Variants in NME8 observed in about 807,000 individuals in gnomAD.
The protein encoded by NME8 is NME/NM23 family member 8.
In NME8, 72 loss-of-function variants were observed where a neutral mutation model predicts 82.3. The observed-to-expected ratio is 0.87, with a 90% CI of 0.72 to 1.06. The LOEUF is 1.06. Among genes scored for constraint, NME8 ranks in the 50% least tolerant of loss-of-function variants. NME8 has a pLI of 0.00. For synonymous variants in NME8, 267 were observed against 228.5 expected (o/e 1.17, Z -1.52); for missense variants, 712 against 685.4 (o/e 1.04, Z -0.43).
rs1261123421 is a variant in NME8, at chr7:37,896,959, A to G, written c.1634A>G (p.Lys545Arg). ...LMGPTDPEEA[K>R]LLSPDSIRAQ... ...GGCCCAACAGACCCAGAAGAAGCAA[A>G]ATTACTTTCCCCTGACTCCATCCGA... Residue 545 changes from lysine (K) to arginine (R), a missense_variant, in exon 17 of 18, where the codon AAA becomes AGA. Coordinates refer to ENST00000199447, the MANE Select transcript of NME8 (RefSeq NM_016616.5). The G allele has an allele frequency of 3.7e-6, 6 of 1,613,760 alleles. No homozygotes were observed. The African/African-American group carries it at 5.3e-5, about 14-fold the overall frequency.
rs1784892733 is a variant in NME8 at position 37,878,566 on chromosome 7, C to T, written c.994+1559C>T. 2.0e-5 allele frequency among the ~76,000 whole-genome samples: 3 copies of T among 152,136 alleles called. No homozygotes were observed. In the South Asian group the frequency reaches 6.2e-4, roughly 32 times the overall value. ...GAATTTGTGAGTAAAATGATTTAGA[C>T]ATGGGGTTCTCTTTTTTGGAAGATT... On this transcript the variant is annotated intron_variant, in intron 12 of 17. Transcript: ENST00000199447.
At chr7:37,855,366 G>C (rs905816858) in intron 5 of NME8, among the ~76,000 whole-genome samples, 4 of 152,140 alleles carry the variant, frequency 2.6e-5, no homozygotes, top group African/African-American at 9.7e-5. Context: ...AGGATTGGGG[G>C]TTAGCAGTTT....
chr7:37,856,897 T>G (rs1784519991), intron 5 of NME8, among the ~76,000 whole-genome samples: 1 of 152,052 alleles, frequency 6.6e-6, no homozygotes, highest in Non-Finnish European at 1.5e-5. Context: ...GGGACATAGG[T>G]GCCTTGGGAG....
rs147932281 is a variant in NME8 at position 37,868,219 on chromosome 7, A to C, written c.818+321A>C. Reference sequence around the variant, plus strand: ...CAGCGGGGCTCCTCAGTGAGAGAGGACTGAGCTCGCCATGGTGGATTTTTG... The same window carrying C: ...CAGCGGGGCTCCTCAGTGAGAGAGGCCTGAGCTCGCCATGGTGGATTTTTG... On this transcript the variant is annotated intron_variant, in intron 11 of 17. Transcript: ENST00000199447. Among the ~76,000 whole-genome samples the C allele has an allele frequency of 1.7e-3, 253 of 152,272 alleles. 1 individual carries two copies. Among genetic ancestry groups the C allele is most frequent in the African/African-American group, 5.8e-3 (243 of 41,564 alleles).
chr7:37,882,589 AAGAAAGAAAGAGAG>A (rs1263375265), intron 12 of NME8, among the ~76,000 whole-genome samples: 9 of 52,280 alleles, frequency 1.7e-4, no homozygotes, highest in African/African-American at 6.6e-4. Context: ...GAAAGAAAGA[AAGAAAGAAAGAGAG>A]AGAGAGAGAG....
intron 14 of NME8, among the ~76,000 whole-genome samples, 162 bp from the exon 15 acceptor site, chr7:37,888,115 A>G (rs779519747): frequency 6.6e-6 from 1 of 152,202 alleles, no homozygotes; most frequent in Non-Finnish European, 1.5e-5. Flanking sequence ...CCTTGAAAAG[A>G]AGTAGCATGC....
rs1171232786 is a variant in NME8, at chr7:37,848,827, G to A, written c.-237G>A. On this transcript the variant is annotated 5_prime_UTR_variant, in exon 2 of 18. Transcript: ENST00000199447. ...TTGCCCCCCTTCTTCTTCCCAGACA[G>A]GCAGGGAATCCCTCTTCTTCCTTTT... 7.9e-5 allele frequency: 12 copies of A among 152,324 alleles called. 1 individual carries two copies. Among genetic ancestry groups the A allele is most frequent in the Admixed American group, 7.9e-4 (12 of 15,278 alleles). 9.4% of individuals were successfully genotyped at this position (152,324 alleles called of 1,614,324 possible).
At chr7:37,870,833 A>G (rs1784756846) in intron 11 of NME8, among the ~76,000 whole-genome samples, 1 of 152,104 alleles carries the variant, frequency 6.6e-6, no homozygotes, top group Admixed American at 6.6e-5. Context: ...GTAAAACTTG[A>G]GAGGACAGAG....
At chr7:37,873,019 T>C (rs1784792040) in intron 11 of NME8, among the ~76,000 whole-genome samples, 1 of 152,176 alleles carries the variant, frequency 6.6e-6, no homozygotes, top group Non-Finnish European at 1.5e-5. Flanking sequence ...CTCTGTATGA[T>C]GAAATTATTT....
chr7:37,871,092 G>A (rs1784760422), intron 11 of NME8, among the ~76,000 whole-genome samples: 1 of 152,216 alleles, frequency 6.6e-6, no homozygotes, highest in Admixed American at 6.5e-5. Flanking sequence ...TGGAGAGGGT[G>A]AGACAGGAGA....
At chr7:37,876,735 ACTT>A (rs904864287) in intron 11 of NME8, 94 bp from the exon 12 acceptor site, 224 of 873,192 alleles carry the variant, frequency 2.6e-4, no homozygotes, top group African/African-American at 1.3e-3. Context: ...GTTTTATTAA[ACTT>A]CTAGTAATTT....
At chr7:37,887,950 T>A (rs1188121054) in intron 14 of NME8, among the ~76,000 whole-genome samples, 3 of 152,080 alleles carry the variant, frequency 2.0e-5, no homozygotes, top group African/African-American at 7.2e-5. Flanking sequence ...CTGCCCATGA[T>A]TTGTGGGGAT....
At chr7:37,860,886 G>C (rs1205740462) in intron 6 of NME8, among the ~76,000 whole-genome samples, 3 of 152,206 alleles carry the variant, frequency 2.0e-5, no homozygotes, top group Non-Finnish European at 4.4e-5. Context: ...TTTCAAGTGA[G>C]AAACAGAAGA....
chr7:37,879,464 A>G (rs1401814018), intron 12 of NME8, among the ~76,000 whole-genome samples: 3 of 152,074 alleles, frequency 2.0e-5, no homozygotes, highest in South Asian at 2.1e-4. Context: ...GCCTTTTCAG[A>G]TTGACTTCTT....
intron 12 of NME8, among the ~76,000 whole-genome samples, chr7:37,881,107 A>G (rs1362285813): frequency 6.6e-6 from 1 of 152,186 alleles, no homozygotes; most frequent in Non-Finnish European, 1.5e-5. Flanking sequence ...GAAGAACAAC[A>G]ATAGTTTCAT....
chr7:37,852,105 T>C (rs1013578869), intron 5 of NME8, among the ~76,000 whole-genome samples: 1 of 146,806 alleles, frequency 6.8e-6, no homozygotes, highest in Non-Finnish European at 1.5e-5. Flanking sequence ...GGTGAAGGAA[T>C]TGACTTTTTT....
chr7:37,865,699 G>A, intron 10 of NME8, 82 bp downstream of exon 10: 2 of 920,948 alleles, frequency 2.2e-6, no homozygotes, highest in East Asian at 2.5e-5. Context: ...TTACAGAAAA[G>A]CAAATTAGTA....
At chr7:37,856,271 A>G (rs1448034058) in intron 5 of NME8, among the ~76,000 whole-genome samples, 5 of 152,204 alleles carry the variant, frequency 3.3e-5, no homozygotes, top group African/African-American at 4.8e-5. Context: ...CAATGTGGTG[A>G]TATTTGGAGA....
chr7:37,849,869 C>CA lies in NME8; in HGVS notation c.-7-370dup, dbSNP rs869133999. Among the ~76,000 whole-genome samples, 40 of 39,922 alleles carry CA rather than the reference C, an allele frequency of 1.0e-3. 1 individual carries two copies. Among genetic ancestry groups the CA allele is most frequent in the African/African-American group, 2.0e-3 (35 of 17,678 alleles). The allele number at this position is 39,922 out of a possible 152,430, so 26.2% of individuals were successfully genotyped here. On this transcript the variant is annotated intron_variant, in intron 2 of 17. Transcript: ENST00000199447. Reference sequence around the variant, plus strand: ...CTGGCAACAGAGTGAGACTATGTCTCAAAAAAAAAAAAAAAAAAAAAGAAC... The same window carrying CA: ...CTGGCAACAGAGTGAGACTATGTCTCAAAAAAAAAAAAAAAAAAAAAAGAAC...
Sources: gnomAD v4.1 joint callset for allele counts (sites outside exome capture counted in the v4.1 genomes callset) on GRCh38, gnomAD v4.1.1 for gene constraint, MANE v1.5 for transcripts, NCBI Gene and HGNC (gene_info 2026-07-23, HGNC 2026-07-21) for gene names.